The following RANBP2 variants were observed in gnomAD, a reference collection of about 807,000 sequenced individuals.
The protein encoded by RANBP2 is RAN binding protein 2, also known as E3 SUMO-protein ligase RanBP2.
A neutral mutation model predicts 303.6 loss-of-function variants in RANBP2; 57 were observed. That is an observed-to-expected ratio of 0.19 (90% CI 0.15 to 0.23). RANBP2 has a LOEUF of 0.23. Among genes scored for constraint, RANBP2 ranks in the 10% least tolerant of loss-of-function variants. RANBP2 has a pLI of 1.00. For synonymous variants in RANBP2, 1,167 were observed against 1,301.5 expected (o/e 0.90, Z 2.23); for missense variants, 3,138 against 3,780.8 (o/e 0.83, Z 4.46).
At chr2:109,503,755 G>T in the RANBP2 span, 1 of 152,140 alleles carries the variant, frequency 6.6e-6, no homozygotes. Flanking sequence ...AGGCGCGCAG[G>T]TACCAAGCAA....
chr2:109,134,143 C>T, the RANBP2 span, among the ~76,000 whole-genome samples: 1 of 152,152 alleles, frequency 6.6e-6, no homozygotes, highest in African/African-American at 2.4e-5. Flanking sequence ...ATGGAAAGTT[C>T]ACAATAATCC....
the RANBP2 span, chr2:109,613,600 C>T: frequency 1.0e-5 from 3 of 300,712 alleles, no homozygotes; most frequent in South Asian, 1.6e-4. Flanking sequence ...GGTCCGGCCG[C>T]GCCCAGGCTC....
chr2:109,694,997 T>C, the RANBP2 span, among the ~76,000 whole-genome samples: 1 of 152,184 alleles, frequency 6.6e-6, no homozygotes, highest in South Asian at 2.1e-4. Context: ...TTTTCTCCAT[T>C]GCTCAGATGG....
At chr2:109,294,115 T>C in the RANBP2 span, among the ~76,000 whole-genome samples, 1 of 152,188 alleles carries the variant, frequency 6.6e-6, no homozygotes, top group Non-Finnish European at 1.5e-5. Flanking sequence ...TTATGATTGC[T>C]CCTTGGGCCC....
At chr2:108,799,140 G>C in the RANBP2 span, among the ~76,000 whole-genome samples, 1 of 152,164 alleles carries the variant, frequency 6.6e-6, no homozygotes, top group East Asian at 1.9e-4. Context: ...TTTGAATCTA[G>C]AGCACTCAAC....
chr2:109,468,010 T>G, the RANBP2 span, among the ~76,000 whole-genome samples: 1 of 152,200 alleles, frequency 6.6e-6, no homozygotes, highest in Non-Finnish European at 1.5e-5. Flanking sequence ...GGAAAACATT[T>G]CAGCCCAGAA....
At chr2:109,232,451 G>C in the RANBP2 span, among the ~76,000 whole-genome samples, 1 of 152,172 alleles carries the variant, frequency 6.6e-6, no homozygotes, top group Non-Finnish European at 1.5e-5. Flanking sequence ...CTATCTATCT[G>C]TAAATAGGAG....
At chr2:109,439,672 G>A in the RANBP2 span, among the ~76,000 whole-genome samples, 2 of 152,076 alleles carry the variant, frequency 1.3e-5, no homozygotes, top group African/African-American at 4.8e-5. Flanking sequence ...AGTGTTCCTT[G>A]CACACTCCTG....
the RANBP2 span, among the ~76,000 whole-genome samples, chr2:108,966,470 C>T: frequency 2.6e-5 from 4 of 152,322 alleles, no homozygotes; most frequent in South Asian, 6.2e-4. Context: ...CCTCATCTCG[C>T]GGGCCCCGGT....
At chr2:109,620,528 C>T in the RANBP2 span, among the ~76,000 whole-genome samples, 1 of 152,114 alleles carries the variant, frequency 6.6e-6, no homozygotes, top group Non-Finnish European at 1.5e-5. Context: ...ATGGTGAAAC[C>T]CAGTCTCTAC....
the RANBP2 span, among the ~76,000 whole-genome samples, chr2:109,561,625 A>C: frequency 6.6e-6 from 1 of 152,208 alleles, no homozygotes; most frequent in South Asian, 2.1e-4. Context: ...CAAACTCTTC[A>C]CCTGAATATT....
chr2:109,656,456 G>C, the RANBP2 span, among the ~76,000 whole-genome samples: 1 of 152,128 alleles, frequency 6.6e-6, no homozygotes, highest in Non-Finnish European at 1.5e-5. Context: ...TCCTGCTTCA[G>C]CCTCCAGAGT....
the RANBP2 span, among the ~76,000 whole-genome samples, chr2:109,232,103 G>A: frequency 2.6e-5 from 4 of 152,210 alleles, no homozygotes; most frequent in African/African-American, 7.2e-5. Flanking sequence ...GTATTTATGT[G>A]TAAGTGTCTG....
the RANBP2 span, among the ~76,000 whole-genome samples, chr2:109,557,829 A>G: frequency 3.3e-5 from 5 of 151,992 alleles, no homozygotes; most frequent in East Asian, 5.8e-4. Context: ...CTAGCATAAA[A>G]GTAGCTTGCT....
At chr2:108,781,471 T>G in intron 26 of RANBP2, 42 bp downstream of exon 26, 2 of 1,600,672 alleles carry the variant, frequency 1.2e-6, no homozygotes, top group South Asian at 2.2e-5. Flanking sequence ...AACTTATTTT[T>G]CATTTTTAAG....
chr2:109,189,060 G>T, the RANBP2 span, among the ~76,000 whole-genome samples: 2 of 152,082 alleles, frequency 1.3e-5, no homozygotes, highest in Admixed American at 1.3e-4. Flanking sequence ...AGTCCCTCCA[G>T]TGGAAACCCA....
At chr2:109,387,668 A>C in the RANBP2 span, among the ~76,000 whole-genome samples, 1 of 151,966 alleles carries the variant, frequency 6.6e-6, no homozygotes, top group Non-Finnish European at 1.5e-5. Context: ...CTCCTCTCAT[A>C]CTTTTTCCTC....
At chr2:109,263,399 G>T in the RANBP2 span, among the ~76,000 whole-genome samples, 130 of 152,210 alleles carry the variant, frequency 8.5e-4, no homozygotes, top group Admixed American at 2.0e-3. Context: ...TTTTTTATAG[G>T]TAGCTTTTCT....
chr2:109,269,497 C>T, the RANBP2 span, among the ~76,000 whole-genome samples: 2 of 152,174 alleles, frequency 1.3e-5, no homozygotes, highest in Non-Finnish European at 2.9e-5. Context: ...AGATAGTTGC[C>T]AAGCCAGGCG....
Sources: gnomAD v4.1 joint callset for allele counts (sites outside exome capture counted in the v4.1 genomes callset) on GRCh38, gnomAD v4.1.1 for gene constraint, MANE v1.5 for transcripts, NCBI Gene and HGNC (gene_info 2026-07-23, HGNC 2026-07-21) for gene names.